The following SLC24A3 variants were observed in gnomAD, a reference collection of about 807,000 sequenced individuals.
The protein encoded by SLC24A3 is sodium/potassium/calcium exchanger 3.
A neutral mutation model predicts 75.8 loss-of-function variants in SLC24A3; 28 were observed. The observed-to-expected ratio is 0.37, with a 90% CI of 0.27 to 0.51. The LOEUF (loss-of-function observed/expected upper bound fraction) is 0.51, where lower values mean the gene tolerates loss of function less well. Ranked by LOEUF, SLC24A3 falls within the 20% of genes least tolerant of loss-of-function variation. The pLI, the probability that SLC24A3 is intolerant of heterozygous loss-of-function variation, is 0.94. For synonymous variants in SLC24A3, 372 were observed against 334.1 expected (o/e 1.11, Z -1.24); for missense variants, 663 against 847.8 (o/e 0.78, Z 2.71).
At chr20:19,626,377 G>A (rs1389776788) in intron 6 of SLC24A3, among the ~76,000 whole-genome samples, 2 of 152,174 alleles carry the variant, frequency 1.3e-5, no homozygotes, top group Non-Finnish European at 2.9e-5. Flanking sequence ...ATGAAACTGT[G>A]ATGTAAGTTA....
intron 2 of SLC24A3, among the ~76,000 whole-genome samples, chr20:19,445,461 A>G (rs1987365543): frequency 6.6e-6 from 1 of 152,224 alleles, no homozygotes; most frequent in South Asian, 2.1e-4. Context: ...AGGGTCAGTT[A>G]TTTAAGGCAA....
intron 2 of SLC24A3, among the ~76,000 whole-genome samples, chr20:19,317,610 C>T (rs1984615084): frequency 6.6e-6 from 1 of 152,210 alleles, no homozygotes; most frequent in Non-Finnish European, 1.5e-5. Context: ...CCCCAGGACA[C>T]CTGTTTAGAA....
intron 6 of SLC24A3, among the ~76,000 whole-genome samples, chr20:19,623,359 A>G (rs931076187): frequency 2.6e-5 from 4 of 152,224 alleles, no homozygotes; most frequent in African/African-American, 4.8e-5. Flanking sequence ...GCTCACCACC[A>G]GCAGCAAGCA....
At chr20:19,483,220 A>G (rs1475201830) in intron 2 of SLC24A3, among the ~76,000 whole-genome samples, 1 of 152,198 alleles carries the variant, frequency 6.6e-6, no homozygotes, top group Non-Finnish European at 1.5e-5. Flanking sequence ...TTGGTCACCA[A>G]TAGTTTTCCT....
chr20:19,530,688 C>G (rs1427619036), intron 3 of SLC24A3, among the ~76,000 whole-genome samples: 1 of 152,232 alleles, frequency 6.6e-6, no homozygotes, highest in East Asian at 1.9e-4. Flanking sequence ...CATCCCTAGA[C>G]AGCAGGGACA....
chr20:19,609,949 T>G (rs2031649483), intron 6 of SLC24A3, among the ~76,000 whole-genome samples: 1 of 111,212 alleles, frequency 9.0e-6, no homozygotes, highest in African/African-American at 2.5e-5. Flanking sequence ...CATCTTAGGT[T>G]TAACCACAAA....
chr20:19,720,852 G>T, intron 16 of SLC24A3, 139 bp from the exon 17 acceptor site: 1 of 776,636 alleles, frequency 1.3e-6, no homozygotes. Flanking sequence ...GGTGGATTTT[G>T]CAGGCTCAGA....
intron 1 of SLC24A3, among the ~76,000 whole-genome samples, chr20:19,226,259 G>A (rs1981866437): frequency 6.6e-6 from 1 of 152,158 alleles, no homozygotes; most frequent in South Asian, 2.1e-4. Context: ...TGCATACCCT[G>A]TATAAGACCC....
intron 2 of SLC24A3, among the ~76,000 whole-genome samples, chr20:19,480,769 G>A (rs1361608512): frequency 6.6e-6 from 1 of 152,192 alleles, no homozygotes; most frequent in Non-Finnish European, 1.5e-5. Context: ...CCCTTGGCCA[G>A]TGAACTCAAT....
At chr20:19,402,780 G>A (rs924075217) in intron 2 of SLC24A3, among the ~76,000 whole-genome samples, 3 of 152,154 alleles carry the variant, frequency 2.0e-5, no homozygotes, top group Non-Finnish European at 4.4e-5. Context: ...GACAGGGGGT[G>A]ATGTAGTTCA....
chr20:19,344,502 G>A (rs553606284), intron 2 of SLC24A3, among the ~76,000 whole-genome samples: 1 of 152,304 alleles, frequency 6.6e-6, no homozygotes, highest in South Asian at 2.1e-4. Flanking sequence ...TGGTAGCAGA[G>A]TGGGAAGTGA....
intron 6 of SLC24A3, among the ~76,000 whole-genome samples, chr20:19,592,060 T>G (rs2031385647): frequency 6.6e-6 from 1 of 152,224 alleles, no homozygotes; most frequent in Non-Finnish European, 1.5e-5. Flanking sequence ...CCATTTGTAT[T>G]TCCACCACCT....
At chr20:19,515,631 A>G (rs1316131728) in intron 3 of SLC24A3, 67 bp downstream of exon 3, 11 of 1,512,154 alleles carry the variant, frequency 7.3e-6, no homozygotes, top group Admixed American at 3.5e-5. Context: ...GGGGTGTGGC[A>G]CCTGAGGTGC....
intron 15 of SLC24A3, among the ~76,000 whole-genome samples, chr20:19,706,596 G>T (rs1039911769): frequency 6.6e-6 from 1 of 152,112 alleles, no homozygotes; most frequent in Admixed American, 6.5e-5. Context: ...TGGCTGGGGG[G>T]AGTATGGGAG....
chr20:19,676,106 G>C (rs6112510), intron 9 of SLC24A3, among the ~76,000 whole-genome samples: 1 of 152,162 alleles, frequency 6.6e-6, no homozygotes, highest in African/African-American at 2.4e-5. Context: ...TTCACTAAGG[G>C]CTTCAGAGAG....
At chr20:19,720,059 T>C (rs79278787) in intron 16 of SLC24A3, among the ~76,000 whole-genome samples, 14 of 151,508 alleles carry the variant, frequency 9.2e-5, no homozygotes, top group East Asian at 1.9e-4. Context: ...GACACTAAGA[T>C]AAGACAGATG....
At chr20:19,296,280 T>TC (rs1984057962) in intron 2 of SLC24A3, among the ~76,000 whole-genome samples, 1 of 149,550 alleles carries the variant, frequency 6.7e-6, no homozygotes, top group Non-Finnish European at 1.5e-5. Flanking sequence ...TTTTTTTTTT[T>TC]TTTTTTCAAA....
intron 12 of SLC24A3, among the ~76,000 whole-genome samples, chr20:19,686,956 A>T (rs2032683288): frequency 6.6e-6 from 1 of 152,224 alleles, no homozygotes; most frequent in South Asian, 2.1e-4. Flanking sequence ...CCAAGACAAA[A>T]ACATCTTAAG....
intron 15 of SLC24A3, among the ~76,000 whole-genome samples, chr20:19,699,529 T>TA (rs1255866896): frequency 2.0e-5 from 3 of 152,248 alleles, no homozygotes; most frequent in African/African-American, 7.2e-5. Flanking sequence ...TTTTGGATGA[T>TA]ATGTTCTCTA....
Sources: allele counts gnomAD v4.1 joint callset (sites outside exome capture counted in the v4.1 genomes callset), GRCh38; gene constraint gnomAD v4.1.1; transcripts MANE v1.5; gene names NCBI Gene and HGNC (gene_info 2026-07-23, HGNC 2026-07-21).